Variants in ZNRF1 observed in about 807,000 individuals in gnomAD.
ZNRF1 encodes the protein E3 ubiquitin-protein ligase ZNRF1.
Under a neutral mutation model 18.4 loss-of-function variants are expected in ZNRF1, and 3 were observed. The ratio of observed to expected loss-of-function variants is 0.16; its 90% CI spans 0.07 to 0.42. The LOEUF (loss-of-function observed/expected upper bound fraction) is 0.42, where lower values mean the gene tolerates loss of function less well. ZNRF1 is among the 10% of genes least tolerant of loss of function. ZNRF1 has a pLI of 0.99. For synonymous variants in ZNRF1, 157 were observed against 144.2 expected (o/e 1.09, Z -0.64); for missense variants, 310 against 329.8 (o/e 0.94, Z 0.47).
In ZNRF1 at chr16:75,018,903, C is replaced by T. The variant is rs142893941; in HGVS notation, c.424+18808C>T. ...TAATAAGGCAAGGCTTGGTGGCTCA[C>T]GCCTGTAATCCCAGCACTTTGGGAG... On this transcript the variant is annotated intron_variant, in intron 1 of 4. Transcript: ENST00000335325. Among the ~76,000 whole-genome samples, 1,044 of 152,186 alleles carry T rather than the reference C, an allele frequency of 6.9e-3. 7 individuals carry two copies. The highest frequency in any genetic ancestry group is 0.024 in the African/African-American group (996 of 41,522).
intron 1 of ZNRF1, among the ~76,000 whole-genome samples, chr16:75,091,742 G>T (rs1597905939): frequency 6.6e-6 from 1 of 151,630 alleles, no homozygotes; most frequent in African/African-American, 2.4e-5. Context: ...TTGCCATGTT[G>T]CCTAGGCTGG....
chr16:75,094,216 T>C (rs780888754), intron 2 of ZNRF1, among the ~76,000 whole-genome samples: 1 of 152,172 alleles, frequency 6.6e-6, no homozygotes, highest in African/African-American at 2.4e-5. Context: ...ATGTGTGACA[T>C]AGAGACGCTC....
chr16:75,076,147 C>T (rs1419832191), intron 1 of ZNRF1, among the ~76,000 whole-genome samples: 1 of 152,356 alleles, frequency 6.6e-6, no homozygotes, highest in Middle Eastern at 3.4e-3. Context: ...CTTCTCCATA[C>T]TAAAAGTAAA....
chr16:75,051,191 T>C (rs573386583), intron 1 of ZNRF1, among the ~76,000 whole-genome samples: 61 of 151,846 alleles, frequency 4.0e-4, no homozygotes, highest in African/African-American at 1.4e-3. Flanking sequence ...CCTCCACTAC[T>C]ACCCACCTCC....
At chr16:75,083,643 C>T (rs1429416877) in intron 1 of ZNRF1, among the ~76,000 whole-genome samples, 1 of 152,144 alleles carries the variant, frequency 6.6e-6, no homozygotes. Flanking sequence ...GCAGTTGATA[C>T]AAGGAAGCCT....
rs2034970233 is a variant in ZNRF1, at chr16:75,009,778, C to A, written c.424+9683C>A. ...AACAGTGCACAGGCTTCCAGTTTCT[C>A]CACATCCTTGCCAATACTTGTTATT... On this transcript the variant is annotated intron_variant, in intron 1 of 4. Transcript: ENST00000335325. 2.6e-5 allele frequency among the ~76,000 whole-genome samples: 4 copies of A among 151,782 alleles called. No homozygotes were observed. In the South Asian group the frequency reaches 8.3e-4, roughly 32 times the overall value.
chr16:75,026,866 C>T lies in ZNRF1; in HGVS notation c.424+26771C>T, dbSNP rs143185956. Among the ~76,000 whole-genome samples, 260 of 151,006 alleles carry T rather than the reference C, an allele frequency of 1.7e-3. 3 individuals carry two copies. The highest frequency in any genetic ancestry group is 5.9e-3 in the African/African-American group (242 of 41,088). ...CACAAGAATCACTTGAACCCAGAGG[C>T]GGCACTCCAGCCTGGGCAACAGAAT... On this transcript the variant is annotated intron_variant, in intron 1 of 4. Transcript: ENST00000335325.
chr16:75,027,272 TAAA>T lies in ZNRF1; in HGVS notation c.424+27185_424+27187del, dbSNP rs954113158. 2.0e-5 allele frequency among the ~76,000 whole-genome samples: 3 copies of T among 148,880 alleles called. No homozygotes were observed. The South Asian group carries it at 6.4e-4, about 32-fold the overall frequency. On this transcript the variant is annotated intron_variant, in intron 1 of 4. Transcript: ENST00000335325. The stretch of plus-strand genomic sequence containing the variant: ...GGCAACATAGCAAGACCCTGTCTCT[TAAA>T]AAAAAAAGAAAATAAAAGTGCTGTG...
At chr16:75,062,548 T>C (rs1030908049) in intron 1 of ZNRF1, among the ~76,000 whole-genome samples, 1 of 152,246 alleles carries the variant, frequency 6.6e-6, no homozygotes, top group African/African-American at 2.4e-5. Context: ...CTTTGTCATC[T>C]ATGTGTGTAG....
intron 1 of ZNRF1, among the ~76,000 whole-genome samples, chr16:75,023,354 T>C (rs1412076341): frequency 6.6e-6 from 1 of 152,130 alleles, no homozygotes; most frequent in African/African-American, 2.4e-5. Flanking sequence ...AAGCATCATT[T>C]AACAGTGACT....
intron 1 of ZNRF1, among the ~76,000 whole-genome samples, chr16:75,011,631 A>G (rs745764164): frequency 2.0e-5 from 3 of 152,216 alleles, no homozygotes; most frequent in Non-Finnish European, 4.4e-5. Flanking sequence ...CTGGTTAGCT[A>G]TGACTGAAAC....
At chr16:75,092,508 TG>T (rs1195235483) in intron 1 of ZNRF1, among the ~76,000 whole-genome samples, 1 of 152,216 alleles carries the variant, frequency 6.6e-6, no homozygotes, top group Non-Finnish European at 1.5e-5. Flanking sequence ...TTTGATAGAA[TG>T]TATATGGAAA....
chr16:75,054,537 G>A (rs1027212341), intron 1 of ZNRF1, among the ~76,000 whole-genome samples: 3 of 152,232 alleles, frequency 2.0e-5, no homozygotes, highest in African/African-American at 7.2e-5. Context: ...TGGTCAGAGT[G>A]GAGGTCACTA....
At chr16:75,032,089 A>G (rs1003512982) in intron 1 of ZNRF1, among the ~76,000 whole-genome samples, 1 of 141,706 alleles carries the variant, frequency 7.1e-6, no homozygotes, top group Non-Finnish European at 1.5e-5. Context: ...GATATTGGGC[A>G]TCTTTTCTTG....
At chr16:75,019,185 T>A (rs979114135) in intron 1 of ZNRF1, among the ~76,000 whole-genome samples, 9 of 151,706 alleles carry the variant, frequency 5.9e-5, no homozygotes, top group Non-Finnish European at 1.2e-4. Flanking sequence ...AAAAGATTAA[T>A]ATAGCTTTTT....
At chr16:75,018,725 T>C (rs1158086103) in intron 1 of ZNRF1, among the ~76,000 whole-genome samples, 1 of 152,246 alleles carries the variant, frequency 6.6e-6, no homozygotes, top group Non-Finnish European at 1.5e-5. Context: ...ATTATCCTTA[T>C]ATTCTTGAAA....
intron 1 of ZNRF1, among the ~76,000 whole-genome samples, chr16:75,012,356 T>C (rs2035010021): frequency 6.6e-6 from 1 of 152,208 alleles, no homozygotes; most frequent in African/African-American, 2.4e-5. Flanking sequence ...GAACATCAGC[T>C]TTCTGGATTA....
Position 75,093,631 on chromosome 16 carries a change from A to T in ZNRF1, c.484A>T (p.Ile162Leu), listed in dbSNP as rs765397142. 15 of 1,613,972 alleles carry T rather than the reference A, an allele frequency of 9.3e-6. No individual in the cohort carries two copies. Among genetic ancestry groups the T allele is most frequent in the Non-Finnish European group, 3.4e-6 (4 of 1,179,956 alleles). The change falls in exon 2 of 5, where the codon ATA (isoleucine) becomes TTA (leucine). Residue 162 changes from isoleucine to leucine, a missense_variant. This residue lies in a region of ZNRF1 where 293 missense variants were observed against 291.2 expected (regional missense o/e 1.01). Transcript: ENST00000335325. ...VASDEMEMHF[I>L]MCLSKPRLSY... ...TTCTGACGAGATGGAAATGCACTTT[A>T]TAATGTGTTTGAGCAAACCTCGCCT... is the stretch of plus-strand genomic sequence containing the variant.
intron 1 of ZNRF1, among the ~76,000 whole-genome samples, chr16:75,089,780 A>G (rs895152680): frequency 6.6e-6 from 1 of 152,074 alleles, no homozygotes; most frequent in African/African-American, 2.4e-5. Flanking sequence ...GTCTGGTGAC[A>G]TTCCCTTGTA....
Sources: gnomAD v4.1 joint callset for allele counts (sites outside exome capture counted in the v4.1 genomes callset) on GRCh38, gnomAD v4.1.1 for gene constraint, gnomAD v4.1.1 regional missense constraint, MANE v1.5 for transcripts, NCBI Gene and HGNC (gene_info 2026-07-23, HGNC 2026-07-21) for gene names.